Variants in GALNT16 observed in about 807,000 individuals in gnomAD.
GALNT16 encodes the protein UDP-GalNAc:polypeptide N-acetylgalactosaminyltransferase-like protein 1.
In GALNT16, 40 loss-of-function variants were observed where a neutral mutation model predicts 76.1. The observed-to-expected ratio is 0.53, with a 90% CI of 0.41 to 0.68. The LOEUF is 0.68. GALNT16 is among the 30% of genes least tolerant of loss of function. The probability of loss-of-function intolerance (pLI) is 0.00; values close to 1 mark genes in which losing one functional copy is unlikely to be tolerated. For missense variants in GALNT16, 621 were observed against 731.9 expected (o/e 0.85, Z 1.75); for synonymous variants, 276 against 285.2 (o/e 0.97, Z 0.32).
intron 1 of GALNT16, among the ~76,000 whole-genome samples, chr14:69,318,561 C>A (rs1385643731): frequency 6.6e-6 from 1 of 152,120 alleles, no homozygotes; most frequent in African/African-American, 2.4e-5. Flanking sequence ...GAAGGGTGCC[C>A]CAGTGCCTGG....
intron 1 of GALNT16, among the ~76,000 whole-genome samples, chr14:69,291,344 C>T (rs2044684973): frequency 6.6e-6 from 1 of 151,954 alleles, no homozygotes; most frequent in Admixed American, 6.6e-5. Context: ...AAGTTTGTCC[C>T]CAAAGCTCTT....
At chr14:69,368,636 C>A in the GALNT16 span, among the ~76,000 whole-genome samples, 79 of 152,202 alleles carry the variant, frequency 5.2e-4, 1 homozygote, top group East Asian at 0.014. Flanking sequence ...TCAGCCTTCC[C>A]CTAAGAGGAG....
chr14:69,376,832 C>T, the GALNT16 span, among the ~76,000 whole-genome samples: 6,286 of 152,146 alleles, frequency 0.041, 183 homozygotes, highest in Admixed American at 0.064. Flanking sequence ...CCTTGTGTTT[C>T]TCTGAATACA....
the GALNT16 span, among the ~76,000 whole-genome samples, chr14:69,382,908 A>G: frequency 2.0e-5 from 3 of 152,150 alleles, no homozygotes; most frequent in Non-Finnish European, 4.4e-5. Flanking sequence ...TAAAATGCCT[A>G]GTCATTGGCA....
intron 5 of GALNT16, among the ~76,000 whole-genome samples, chr14:69,328,042 C>T (rs1440164715): frequency 2.6e-5 from 4 of 152,258 alleles, no homozygotes; most frequent in African/African-American, 9.6e-5. Flanking sequence ...ATCTTAGTCT[C>T]GAAGATTATC....
intron 1 of GALNT16, among the ~76,000 whole-genome samples, chr14:69,282,747 C>T (rs1408014653): frequency 1.3e-5 from 2 of 152,030 alleles, no homozygotes; most frequent in African/African-American, 2.4e-5. Context: ...CTCACTACAA[C>T]GTCCGCCTCC....
chr14:69,346,692 G>C (rs1214566523), intron 12 of GALNT16, among the ~76,000 whole-genome samples: 1 of 152,180 alleles, frequency 6.6e-6, no homozygotes, highest in East Asian at 1.9e-4. Flanking sequence ...TGATTATTGA[G>C]CATGCATTTT....
In GALNT16 at chr14:69,352,449, T is replaced by A. The variant is rs1276026804; in HGVS notation, c.*281T>A. 2 of 379,540 alleles carry A rather than the reference T, an allele frequency of 5.3e-6. No individual in the cohort carries two copies. The highest frequency in any genetic ancestry group is 9.5e-6 in the Non-Finnish European group (2 of 210,864). The allele number at this position is 379,540 out of a possible 1,614,324, so 23.5% of individuals were successfully genotyped here. On this transcript the variant is annotated 3_prime_UTR_variant, in exon 15 of 15. Coordinates refer to ENST00000448469, the MANE Select transcript of GALNT16 (RefSeq NM_001168368.2). ...GAGACTGAGTAGGTGCCCCTGGCCC[T>A]TTGTCCTCTCCCTTGGCGCTTCTTG...
intron 1 of GALNT16, among the ~76,000 whole-genome samples, chr14:69,313,523 C>T (rs1454899187): frequency 7.8e-6 from 1 of 128,212 alleles, no homozygotes; most frequent in Non-Finnish European, 1.8e-5. Flanking sequence ...AGTGGGCCTC[C>T]CTCCACTTTC....
chr14:69,348,031 C>A (rs1192027121), intron 14 of GALNT16, 29 bp downstream of exon 14: 3 of 1,612,462 alleles, frequency 1.9e-6, no homozygotes, highest in Non-Finnish European at 2.5e-6. Flanking sequence ...GGCCCAGAGG[C>A]CCAGCAGCCC....
chr14:69,271,204 C>T (rs943344702), intron 1 of GALNT16, among the ~76,000 whole-genome samples: 1 of 152,138 alleles, frequency 6.6e-6, no homozygotes, highest in Non-Finnish European at 1.5e-5. Context: ...TAGCAGAGAA[C>T]ACAGCGTCAC....
chr14:69,282,551 A>G (rs2044557987), intron 1 of GALNT16, among the ~76,000 whole-genome samples: 1 of 152,112 alleles, frequency 6.6e-6, no homozygotes, highest in African/African-American at 2.4e-5. Flanking sequence ...TTATAAGGAT[A>G]ATGTGAACAT....
intron 12 of GALNT16, among the ~76,000 whole-genome samples, chr14:69,342,471 A>AG (rs1180113413): frequency 3.5e-5 from 1 of 28,804 alleles, no homozygotes; most frequent in Non-Finnish European, 7.5e-5. Flanking sequence ...GGAAGAAGGA[A>AG]GGAAGGGAGG....
chr14:69,347,888 CA>C lies in GALNT16; in HGVS notation c.1426del (p.Ser476ValfsTer18). ...NPQPAQAWLF[S>X]DHLIQQQGKC... is the part of the protein sequence containing the mutation. ...TCCCTGCCTTGCAGGCATGGCTGTT[CA>C]GTGACCACCTCATCCAGCAGCAGGG... On this transcript the variant is annotated frameshift_variant, in exon 14 of 15. Coordinates refer to ENST00000448469, the MANE Select transcript of GALNT16 (RefSeq NM_001168368.2). LOFTEE classifies it high-confidence loss of function. 1 of 1,613,722 alleles carries C rather than the reference CA, an allele frequency of 6.2e-7. No homozygotes were observed. The highest frequency in any genetic ancestry group is 8.5e-7 in the Non-Finnish European group (1 of 1,180,008).
At chr14:69,372,912 A>T in the GALNT16 span, among the ~76,000 whole-genome samples, 1 of 152,172 alleles carries the variant, frequency 6.6e-6, no homozygotes, top group African/African-American at 2.4e-5. Flanking sequence ...TTATACCTGC[A>T]ACCTCCCATT....
intron 1 of GALNT16, among the ~76,000 whole-genome samples, chr14:69,294,411 G>A (rs142787792): frequency 1.4e-4 from 22 of 152,242 alleles, no homozygotes; most frequent in East Asian, 1.2e-3. Flanking sequence ...ATGAGCCACC[G>A]CGCCCAGCCC....
intron 1 of GALNT16, among the ~76,000 whole-genome samples, chr14:69,318,427 AC>A (rs2140159822): frequency 6.6e-6 from 1 of 152,204 alleles, no homozygotes; most frequent in African/African-American, 2.4e-5. Context: ...TATCTCAGAA[AC>A]CTTACTTCTG....
In GALNT16 at chr14:69,333,285, C is replaced by G; in HGVS notation, c.863+116C>G. ...TCCTGAGGCGCACTAAGTGCTGACT[C>G]TGTTCTGGGCCTTCGGACCCTGTAT... is the stretch of plus-strand genomic sequence containing the variant. On this transcript the variant is annotated intron_variant, in intron 8 of 14. Transcript: ENST00000448469. The surrounding 1 kb of genome is among the most constrained non-coding windows in gnomAD (Gnocchi z 4.2). 6.7e-6 allele frequency: 5 copies of G among 743,610 alleles called. 1 individual carries two copies. Among genetic ancestry groups the G allele is most frequent in the Non-Finnish European group, 9.1e-6 (4 of 440,978 alleles). 46.1% of individuals were successfully genotyped at this position (743,610 alleles called of 1,614,324 possible). A position where few individuals can be genotyped will look rare whatever the true frequency, so the allele number is the denominator to read the frequency against.
At chr14:69,330,519 C>CA (rs910150381) in intron 6 of GALNT16, among the ~76,000 whole-genome samples, 6 of 151,758 alleles carry the variant, frequency 4.0e-5, no homozygotes, top group Admixed American at 2.6e-4. Flanking sequence ...TATCTCAGCA[C>CA]AAAAAAAAGT....
Sources: gnomAD v4.1 joint callset for allele counts (sites outside exome capture counted in the v4.1 genomes callset) on GRCh38, gnomAD v4.1.1 for gene constraint, Gnocchi (gnomAD v3.1) non-coding constraint, MANE v1.5 for transcripts, NCBI Gene and HGNC (gene_info 2026-07-23, HGNC 2026-07-21) for gene names.